The following C2orf74 variants were observed in gnomAD, a reference collection of about 807,000 sequenced individuals.
C2orf74 encodes the protein DPM1 ER membrane anchor 1.
C2orf74 carries 14 observed loss-of-function variants against 17.9 expected under a neutral mutation model. The ratio of observed to expected loss-of-function variants is 0.78; its 90% CI spans 0.52 to 1.22. The LOEUF (loss-of-function observed/expected upper bound fraction) is 1.22, where lower values mean the gene tolerates loss of function less well. Ranked by LOEUF, C2orf74 falls within the 50% of genes most tolerant of loss-of-function variation. The probability of loss-of-function intolerance (pLI) is 0.00; values close to 1 mark genes in which losing one functional copy is unlikely to be tolerated. For synonymous variants in C2orf74, 79 were observed against 72.6 expected (o/e 1.09, Z -0.44); for missense variants, 217 against 218.4 (o/e 0.99, Z 0.04).
chr2:61,154,815 G>C (rs1352057937), intron 1 of C2orf74, among the ~76,000 whole-genome samples: 1 of 152,122 alleles, frequency 6.6e-6, no homozygotes, highest in Non-Finnish European at 1.5e-5. Context: ...AGTACTTTGG[G>C]AGGCCAAGGT....
At chr2:61,147,936 T>C (rs1262319350) in intron 1 of C2orf74, among the ~76,000 whole-genome samples, 1 of 150,878 alleles carries the variant, frequency 6.6e-6, no homozygotes, top group Non-Finnish European at 1.5e-5. Context: ...CCTGGCTAAT[T>C]TTTTGTATTT....
At chr2:61,146,778 G>T (rs975086669) in intron 1 of C2orf74, among the ~76,000 whole-genome samples, 4 of 152,064 alleles carry the variant, frequency 2.6e-5, no homozygotes, top group Admixed American at 6.6e-5. Context: ...GTCGGAGGTT[G>T]CAGTGAGCCG....
At chr2:61,162,809 C>T (rs1424008926) in intron 2 of C2orf74, 33 bp from the exon 3 acceptor site, 1 of 1,517,812 alleles carries the variant, frequency 6.6e-7, no homozygotes, top group Non-Finnish European at 9.0e-7. Flanking sequence ...GGCCATTCTT[C>T]CTTTTCTGAA....
At chr2:61,153,561 T>C (rs910929667) in intron 1 of C2orf74, among the ~76,000 whole-genome samples, 34 of 148,590 alleles carry the variant, frequency 2.3e-4, no homozygotes, top group Admixed American at 4.0e-4. Flanking sequence ...GGATTACAGG[T>C]GTGAGCCACC....
In C2orf74 at chr2:61,164,720, T is replaced by C. The variant is rs1197170618; in HGVS notation, c.*193T>C. ...TAAAATACTTAGAGCTTGAATATAA[T>C]TTTTTAAAAATTCAAATCTGAGTTC... On this transcript the variant is annotated 3_prime_UTR_variant, in exon 5 of 5. Coordinates refer to ENST00000432605, the MANE Select transcript of C2orf74 (RefSeq NM_001143959.4). 2.3e-6 allele frequency: 1 copy of C among 426,366 alleles called. No homozygotes were observed. Among genetic ancestry groups the C allele is most frequent in the Non-Finnish European group, 4.0e-6 (1 of 249,762 alleles). The allele number at this position is 426,366 out of a possible 1,614,324, so 26.4% of individuals were successfully genotyped here.
Position 61,162,189 on chromosome 2 carries a change from AT to A in C2orf74, c.-229del. 1 of 306,688 alleles carries A rather than the reference AT, an allele frequency of 3.3e-6. No individual in the cohort carries two copies. The highest frequency in any genetic ancestry group is 6.0e-6 in the Non-Finnish European group (1 of 166,426). The allele number at this position is 306,688 out of a possible 1,614,324, so 19.0% of individuals were successfully genotyped here. On this transcript the variant is annotated 5_prime_UTR_variant, in exon 1 of 5. Transcript: ENST00000432605. Reference sequence around the variant, plus strand: ...GCTGGGCTCAGCTCCAGCTGTTCCGATTCCTCTCTCCTCTGGGTCCTGATAG... The same window carrying A: ...GCTGGGCTCAGCTCCAGCTGTTCCGATCCTCTCTCCTCTGGGTCCTGATAG...
Position 61,163,038 on chromosome 2 carries a change from G to T in C2orf74, c.210-14G>T, listed in dbSNP as rs541406756. On this transcript the variant is annotated splice_polypyrimidine_tract_variant and intron_variant, in intron 3 of 4. Coordinates refer to ENST00000432605, the MANE Select transcript of C2orf74 (RefSeq NM_001143959.4). ...ATGCATGAATGTTTAAAACTCTACCGATTAATTTTCTAGGATCTTAATGCA... is the reference window on the plus strand; with the variant it reads ...ATGCATGAATGTTTAAAACTCTACCTATTAATTTTCTAGGATCTTAATGCA... The T allele has an allele frequency of 1.9e-6, 3 of 1,551,942 alleles. No individual in the cohort carries two copies. Among genetic ancestry groups the T allele is most frequent in the Non-Finnish European group, 2.6e-6 (3 of 1,146,944 alleles).
upstream of C2orf74, among the ~76,000 whole-genome samples, chr2:61,159,649 G>A (rs1016573668): frequency 4.6e-5 from 7 of 152,198 alleles, no homozygotes; most frequent in African/African-American, 1.7e-4. Context: ...GGCTGAGGTA[G>A]GGGTAGAACA....
intron 1 of C2orf74, among the ~76,000 whole-genome samples, chr2:61,153,418 C>G (rs966441959): frequency 6.6e-6 from 1 of 151,248 alleles, no homozygotes; most frequent in East Asian, 2.0e-4. Flanking sequence ...GTAGCTGGGA[C>G]TACAGGCGCC....
At chr2:61,145,245 A>G (rs1573698537) in intron 1 of C2orf74, 2 of 152,364 alleles carry the variant, frequency 1.3e-5, no homozygotes, top group Admixed American at 1.3e-4. Flanking sequence ...TTGTCCTTGG[A>G]TAAGTTTTTC....
chr2:61,150,517 C>T (rs1317013406), intron 1 of C2orf74, among the ~76,000 whole-genome samples: 1 of 152,184 alleles, frequency 6.6e-6, no homozygotes, highest in East Asian at 1.9e-4. Flanking sequence ...ACTGAGACAC[C>T]TTGGGGCCTG....
At chr2:61,157,967 G>C (rs778897476), upstream of C2orf74, 108 of 471,260 alleles carry the variant, frequency 2.3e-4, no homozygotes, top group South Asian at 8.4e-4. Flanking sequence ...GTCACCACGA[G>C]TGGACACCCT....
chr2:61,152,574 C>T lies in C2orf74; in HGVS notation c.-122+7378C>T, dbSNP rs188784452. Among the ~76,000 whole-genome samples the T allele has an allele frequency of 2.1e-3, 314 of 149,702 alleles. 8 individuals are homozygous for T. Among genetic ancestry groups the T allele is most frequent in the Admixed American group, 0.018 (272 of 14,972 alleles). ...ATTAAAAAAAAAAGCTGGGGCCGGG[C>T]GCAGTGGCTCACGCCTGTAATCCCA... is the stretch of plus-strand genomic sequence containing the variant. On this transcript the variant is annotated intron_variant, in intron 1 of 3. Coordinates refer to the C2orf74 transcript ENST00000426997.
chr2:61,164,507 G>T lies in C2orf74; in HGVS notation c.544G>T (p.Glu182Ter), dbSNP rs777324144. ...EYPTPRSYTR[E>*]HKERK The stretch of plus-strand genomic sequence containing the variant: ...CCCTACACCTCGAAGCTATACTCGA[G>T]AACATAAAGAGAGGAAATGAAGCTC... The change falls in exon 5 of 5, where the codon GAA becomes TAA. Residue 182 changes from glutamate to a stop codon, truncating the protein, a stop_gained. Transcript: ENST00000432605. LOFTEE classifies it high-confidence loss of function. 25 of 1,534,104 alleles carry T rather than the reference G, an allele frequency of 1.6e-5. No individual in the cohort carries two copies. Among genetic ancestry groups the T allele is most frequent in the Non-Finnish European group, 1.9e-5 (22 of 1,141,140 alleles).
upstream of C2orf74, among the ~76,000 whole-genome samples, chr2:61,157,442 T>C (rs971050161): frequency 3.3e-5 from 5 of 152,144 alleles, no homozygotes; most frequent in Admixed American, 3.3e-4. Context: ...AGTGTGATGC[T>C]CGTTGCAGTG....
intron 1 of C2orf74, among the ~76,000 whole-genome samples, chr2:61,149,560 T>TGG (rs1553441238): frequency 1.9e-5 from 1 of 51,616 alleles, no homozygotes; most frequent in Non-Finnish European, 4.2e-5. Context: ...CCCGTCTAGA[T>TGG]GTTGGGCGCC....
chr2:61,163,622 T>C (rs953219274), intron 4 of C2orf74, among the ~76,000 whole-genome samples: 1 of 150,860 alleles, frequency 6.6e-6, no homozygotes, highest in Non-Finnish European at 1.5e-5. Flanking sequence ...ATAATAATAA[T>C]AAATAATAAT....
chr2:61,160,565 A>G (rs1270452406), upstream of C2orf74, among the ~76,000 whole-genome samples: 1 of 151,306 alleles, frequency 6.6e-6, no homozygotes, highest in Non-Finnish European at 1.5e-5. Flanking sequence ...CTGGAGTGCA[A>G]TGGCACGATC....
intron 1 of C2orf74, among the ~76,000 whole-genome samples, chr2:61,155,844 A>C (rs1245911412): frequency 6.6e-6 from 1 of 151,640 alleles, no homozygotes; most frequent in Non-Finnish European, 1.5e-5. Context: ...GTTTTTTTTA[A>C]ACAGTTTTAA....
Sources: allele counts gnomAD v4.1 joint callset (sites outside exome capture counted in the v4.1 genomes callset), GRCh38; gene constraint gnomAD v4.1.1; transcripts MANE v1.5; gene names NCBI Gene and HGNC (gene_info 2026-07-23, HGNC 2026-07-21).